The following BRINP3 variants were observed in gnomAD, a reference collection of about 807,000 sequenced individuals.
BRINP3 encodes the protein BMP/retinoic acid inducible neural specific 3.
Under a neutral mutation model 71.0 loss-of-function variants are expected in BRINP3, and 19 were observed. The ratio of observed to expected loss-of-function variants is 0.27; its 90% CI spans 0.19 to 0.39. The LOEUF is 0.39. Among genes scored for constraint, BRINP3 ranks in the 10% least tolerant of loss-of-function variants. BRINP3 has a pLI of 1.00. For missense variants in BRINP3, 959 were observed against 940.8 expected (o/e 1.02, Z -0.25); for synonymous variants, 380 against 337.7 (o/e 1.13, Z -1.37).
chr1:190,152,593 CTATCTAAAAAAAGTGCCTCTA>C (rs2102427480), intron 7 of BRINP3, among the ~76,000 whole-genome samples: 1 of 119,772 alleles, frequency 8.3e-6, no homozygotes, highest in South Asian at 2.9e-4. Context: ...TCAAAATCAG[CTATCTAAAAAAAGTGCCTCTA>C]TTGGGTTGAG....
chr1:190,323,106 T>G (rs1252577835), intron 2 of BRINP3, among the ~76,000 whole-genome samples: 3 of 152,058 alleles, frequency 2.0e-5, no homozygotes, highest in African/African-American at 7.2e-5. Context: ...GTCTGGGTTC[T>G]CTACCAATTG....
intron 4 of BRINP3, among the ~76,000 whole-genome samples, chr1:190,255,313 G>C (rs898085003): frequency 6.6e-6 from 1 of 151,516 alleles, no homozygotes; most frequent in Non-Finnish European, 1.5e-5. Context: ...GAGTTAGGGA[G>C]GATTCCCTCT....
chr1:190,276,708 T>C (rs1662584327), intron 3 of BRINP3, among the ~76,000 whole-genome samples: 1 of 151,378 alleles, frequency 6.6e-6, no homozygotes. Flanking sequence ...TTGTTTTAAA[T>C]CACTATTGTA....
intron 3 of BRINP3, among the ~76,000 whole-genome samples, chr1:190,266,186 T>C (rs1308416850): frequency 6.6e-6 from 1 of 152,242 alleles, no homozygotes; most frequent in Admixed American, 6.5e-5. Context: ...TGGGTAGTAT[T>C]GTGCCCATTT....
intron 6 of BRINP3, among the ~76,000 whole-genome samples, chr1:190,192,489 C>A (rs1262323252): frequency 6.6e-6 from 1 of 151,372 alleles, no homozygotes; most frequent in African/African-American, 2.4e-5. Context: ...CATGAACCAG[C>A]ATGTGCCAAC....
intron 2 of BRINP3, among the ~76,000 whole-genome samples, chr1:190,288,838 C>A (rs1032612496): frequency 5.9e-5 from 9 of 151,838 alleles, no homozygotes; most frequent in African/African-American, 1.9e-4. Context: ...AGAATATGCA[C>A]CACACCAGTG....
intron 2 of BRINP3, among the ~76,000 whole-genome samples, chr1:190,356,765 T>A (rs887155587): frequency 3.9e-5 from 6 of 152,062 alleles, no homozygotes; most frequent in Non-Finnish European, 8.8e-5. Flanking sequence ...TTTAGAAGAT[T>A]AAGACATAGA....
intron 2 of BRINP3, among the ~76,000 whole-genome samples, chr1:190,357,391 T>G (rs1182660688): frequency 6.6e-6 from 1 of 151,998 alleles, no homozygotes; most frequent in African/African-American, 2.4e-5. Flanking sequence ...CTAATTTCAT[T>G]TACTTAACTG....
At chr1:190,355,978 A>G (rs556681334) in intron 2 of BRINP3, among the ~76,000 whole-genome samples, 3 of 152,022 alleles carry the variant, frequency 2.0e-5, no homozygotes, top group East Asian at 3.9e-4. Flanking sequence ...GCATATGCCT[A>G]TGTCCCATCA....
At chr1:190,189,230 C>T (rs571748236) in intron 6 of BRINP3, among the ~76,000 whole-genome samples, 1 of 151,974 alleles carries the variant, frequency 6.6e-6, no homozygotes, top group Non-Finnish European at 1.5e-5. Context: ...ATTAATTGTT[C>T]TTTAAAAGTT....
At chr1:190,142,370 A>C (rs1655526477) in intron 7 of BRINP3, among the ~76,000 whole-genome samples, 1 of 152,124 alleles carries the variant, frequency 6.6e-6, no homozygotes, top group Non-Finnish European at 1.5e-5. Flanking sequence ...AGGAAATCTC[A>C]TTCTAGTCAG....
In BRINP3 at chr1:190,098,119, G is replaced by T. The variant is rs1051491819; in HGVS notation, c.2200C>A (p.Leu734Met). 6.2e-6 allele frequency: 10 copies of T among 1,614,038 alleles called. No homozygotes were observed. The highest frequency in any genetic ancestry group is 1.1e-5 in the South Asian group (1 of 91,082). ...ATCCTCACCACCTCACTAGTAGACA[G>T]CTTGAGTCTATGACGAAGCAAGCAA... ...FSCLLRHRLK[L>M]STSEVVRIQS... is the part of the protein sequence containing the mutation. The change falls in exon 8 of 8, where the codon CTG becomes ATG. Residue 734 changes from leucine to methionine, a missense_variant. Transcript: ENST00000367462.
At chr1:190,176,585 G>A (rs1571914569) in intron 6 of BRINP3, among the ~76,000 whole-genome samples, 1 of 152,034 alleles carries the variant, frequency 6.6e-6, no homozygotes, top group South Asian at 2.1e-4. Context: ...TTACTTTCTG[G>A]GAGGTTCTTT....
intron 3 of BRINP3, among the ~76,000 whole-genome samples, chr1:190,266,572 A>G (rs1661680454): frequency 6.6e-6 from 1 of 152,168 alleles, no homozygotes; most frequent in Non-Finnish European, 1.5e-5. Context: ...AGGCAGCTAA[A>G]AGAGAAAAAG....
chr1:190,349,906 T>C (rs1391713911), intron 2 of BRINP3, among the ~76,000 whole-genome samples: 2 of 152,138 alleles, frequency 1.3e-5, no homozygotes, highest in Admixed American at 1.3e-4. Flanking sequence ...CCAGAATTAG[T>C]ATCTCCTTGT....
intron 6 of BRINP3, among the ~76,000 whole-genome samples, chr1:190,207,304 C>T (rs2102636501): frequency 6.6e-6 from 1 of 152,158 alleles, no homozygotes; most frequent in Admixed American, 6.5e-5. Context: ...CTTGCATAGC[C>T]AGTGCGACAA....
chr1:190,273,580 C>CA (rs760725624), intron 3 of BRINP3, among the ~76,000 whole-genome samples: 282 of 151,484 alleles, frequency 1.9e-3, no homozygotes, highest in Non-Finnish European at 1.9e-3. Context: ...AACAAACAAA[C>CA]AAAAAATCAC....
intron 7 of BRINP3, among the ~76,000 whole-genome samples, chr1:190,104,726 C>G (rs1425508394): frequency 2.0e-5 from 3 of 151,954 alleles, no homozygotes; most frequent in Non-Finnish European, 4.4e-5. Context: ...GACAGACATT[C>G]TAGATGTGTA....
Position 190,388,750 on chromosome 1 carries a change from C to T in BRINP3, c.236+65905G>A, listed in dbSNP as rs1332055109. On this transcript the variant is annotated intron_variant, in intron 2 of 7. Coordinates refer to ENST00000367462, the MANE Select transcript of BRINP3 (RefSeq NM_199051.3). Reference sequence around the variant, plus strand: ...AACATCTCTAAGAAATTAATATAACCAGGTATTCATGACTGAGTGGTTAAT... The same window carrying T: ...AACATCTCTAAGAAATTAATATAACTAGGTATTCATGACTGAGTGGTTAAT... Among the ~76,000 whole-genome samples, 3 of 151,754 alleles carry T rather than the reference C, an allele frequency of 2.0e-5. No individual in the cohort carries two copies. In the East Asian group the frequency reaches 5.8e-4, roughly 29 times the overall value.
Sources: gnomAD v4.1 joint callset for allele counts (sites outside exome capture counted in the v4.1 genomes callset) on GRCh38, gnomAD v4.1.1 for gene constraint, MANE v1.5 for transcripts, NCBI Gene and HGNC (gene_info 2026-07-23, HGNC 2026-07-21) for gene names.